The following SLC5A12 variants were observed in gnomAD, a reference collection of about 807,000 sequenced individuals.
SLC5A12 encodes solute carrier family 5 member 12.
A neutral mutation model predicts 72.7 loss-of-function variants in SLC5A12; 46 were observed. That is an observed-to-expected ratio of 0.63 (90% CI 0.50 to 0.81). The LOEUF (loss-of-function observed/expected upper bound fraction) is 0.81, where lower values mean the gene tolerates loss of function less well. Ranked by LOEUF, SLC5A12 falls within the 30% of genes least tolerant of loss-of-function variation. The probability of loss-of-function intolerance (pLI) is 0.00; values close to 1 mark genes in which losing one functional copy is unlikely to be tolerated. For missense variants in SLC5A12, 683 were observed against 740.7 expected, an observed-to-expected ratio of 0.92 and a Z score of 0.90; for synonymous variants, 275 against 264.4, an observed-to-expected ratio of 1.04 and a Z score of -0.39.
chr11:26,720,629 AAAAT>A (rs1855457498), intron 1 of SLC5A12, among the ~76,000 whole-genome samples: 1 of 152,108 alleles, frequency 6.6e-6, no homozygotes, highest in Non-Finnish European at 1.5e-5. Context: ...TTGGATAATG[AAAAT>A]AAATACCTTA....
intron 13 of SLC5A12, among the ~76,000 whole-genome samples, chr11:26,677,850 T>C (rs1438685808): frequency 6.6e-6 from 1 of 152,096 alleles, no homozygotes; most frequent in Admixed American, 6.6e-5. Context: ...TATATAATAG[T>C]CATGGAAAAA....
chr11:26,704,280 A>C (rs1855034354), intron 4 of SLC5A12, among the ~76,000 whole-genome samples: 1 of 152,196 alleles, frequency 6.6e-6, no homozygotes, highest in African/African-American at 2.4e-5. Context: ...CCTGGTCTTG[A>C]GGAAATGATG....
intron 13 of SLC5A12, among the ~76,000 whole-genome samples, chr11:26,675,753 C>T (rs10835057): frequency 0.5 from 76,601 of 151,934 alleles, 19,408 homozygotes; most frequent in Middle Eastern, 0.59. Flanking sequence ...AATCCATTCC[C>T]CACATGGTCC....
In SLC5A12 at chr11:26,683,789, G is replaced by A; in HGVS notation, c.1276C>T (p.Leu426=). Residue 426 remains leucine (L), a synonymous_variant, in exon 11 of 15, where the codon CTG becomes TTG. Coordinates refer to ENST00000396005, the MANE Select transcript of SLC5A12 (RefSeq NM_178498.4). ...TTCACAAAAGGGAACACGATTCCCA[G>A]GGAGAATAAGCCCAGCATTGGTCCT... The part of the protein sequence containing the change: ...CGGPMLGLFS[L]GIVFPFVNWK... 1 of 1,597,226 alleles carries A rather than the reference G, an allele frequency of 6.3e-7. No homozygotes were observed. Among genetic ancestry groups the A allele is most frequent in the Non-Finnish European group, 8.5e-7 (1 of 1,172,130 alleles).
intron 12 of SLC5A12, among the ~76,000 whole-genome samples, 158 bp downstream of exon 12, chr11:26,680,897 C>T (rs1590710883): frequency 6.6e-6 from 1 of 152,136 alleles, no homozygotes; most frequent in South Asian, 2.1e-4. Flanking sequence ...CAGAAAGCTG[C>T]AGCCCTGCGT....
intron 14 of SLC5A12, among the ~76,000 whole-genome samples, chr11:26,672,938 C>A (rs1442708652): frequency 2.0e-5 from 3 of 152,016 alleles, no homozygotes; most frequent in Non-Finnish European, 4.4e-5. Context: ...CTGTATAATA[C>A]CCCCCTTACT....
In SLC5A12 at chr11:26,697,255, G is replaced by A; in HGVS notation, c.952-3C>T. 1.9e-6 allele frequency: 3 copies of A among 1,603,618 alleles called. No individual in the cohort carries two copies. The highest frequency in any genetic ancestry group is 1.1e-5 in the South Asian group (1 of 87,866). ...TCCATGACAAAGTACGGCATCAGCT[G>A]AAGAGGAGGCAAAACATAAAAAAAT... On this transcript the variant is annotated splice_polypyrimidine_tract_variant and splice_region_variant and intron_variant, in intron 7 of 14. Transcript: ENST00000396005.
At chr11:26,705,476 C>A (rs955278961) in intron 4 of SLC5A12, among the ~76,000 whole-genome samples, 1 of 152,134 alleles carries the variant, frequency 6.6e-6, no homozygotes, top group Non-Finnish European at 1.5e-5. Flanking sequence ...GAAAAGATGA[C>A]AGGCTTCATC....
Position 26,680,767 on chromosome 11 carries a change from C to T in SLC5A12, c.1475+288G>A, listed in dbSNP as rs1312239395. On this transcript the variant is annotated intron_variant, in intron 12 of 14. Coordinates refer to ENST00000396005, the MANE Select transcript of SLC5A12 (RefSeq NM_178498.4). ...TATTCTTTGAGGAAACCATGTTCCT[C>T]ATACCCAGTCACCTGTCTTTGAACC... Among the ~76,000 whole-genome samples the T allele has an allele frequency of 3.3e-5, 5 of 152,240 alleles. 1 individual carries two copies. The highest frequency in any genetic ancestry group is 9.6e-5 in the African/African-American group (4 of 41,566).
At chr11:26,703,710 T>C (rs1401294709) in intron 5 of SLC5A12, 39 bp from the exon 6 acceptor site, 1 of 1,613,196 alleles carries the variant, frequency 6.2e-7, no homozygotes, top group East Asian at 2.2e-5. Context: ...AAGATATTCC[T>C]TTGATGCCTA....
At chr11:26,681,385 A>T (rs535816481) in intron 11 of SLC5A12, among the ~76,000 whole-genome samples, 164 bp from the exon 12 acceptor site, 1 of 152,292 alleles carries the variant, frequency 6.6e-6, no homozygotes, top group Non-Finnish European at 1.5e-5. Flanking sequence ...CTCAACTCCC[A>T]TAATGCAGGT....
chr11:26,687,382 A>T (rs1433941257), intron 9 of SLC5A12, among the ~76,000 whole-genome samples: 1 of 152,202 alleles, frequency 6.6e-6, no homozygotes, highest in East Asian at 1.9e-4. Context: ...ATGGAAAGAA[A>T]ACTATTGTGT....
intron 10 of SLC5A12, among the ~76,000 whole-genome samples, chr11:26,684,829 T>A (rs916690498): frequency 1.3e-5 from 2 of 152,192 alleles, no homozygotes; most frequent in Admixed American, 6.5e-5. Context: ...ATGATGATAC[T>A]TTCTTAAGAG....
intron 6 of SLC5A12, among the ~76,000 whole-genome samples, chr11:26,702,068 T>A (rs1424217891): frequency 2.0e-5 from 3 of 152,196 alleles, no homozygotes; most frequent in African/African-American, 7.2e-5. Context: ...ACCAAAGGAT[T>A]CTTCTCTTTA....
intron 1 of SLC5A12, among the ~76,000 whole-genome samples, chr11:26,720,739 A>G (rs940372516): frequency 5.9e-5 from 9 of 152,154 alleles, no homozygotes; most frequent in Non-Finnish European, 1.0e-4. Context: ...TAAAGCCAAA[A>G]CACCACTGCC....
At chr11:26,687,963 AAC>A in intron 9 of SLC5A12, among the ~76,000 whole-genome samples, 1 of 152,330 alleles carries the variant, frequency 6.6e-6, no homozygotes, top group African/African-American at 2.4e-5. Context: ...AAGCCTGAAG[AAC>A]AGAAGAAAGA....
intron 4 of SLC5A12, 37 bp from the exon 5 acceptor site, chr11:26,703,984 A>ACC: frequency 6.2e-7 from 1 of 1,610,120 alleles, no homozygotes; most frequent in East Asian, 2.2e-5. Context: ...TTGAAAACAA[A>ACC]CCCTGTAACT....
chr11:26,690,281 T>C, intron 9 of SLC5A12, among the ~76,000 whole-genome samples: 1 of 152,288 alleles, frequency 6.6e-6, no homozygotes, highest in African/African-American at 2.4e-5. Flanking sequence ...GAAACATTTT[T>C]AATTTTTAAA....
Position 26,678,750 on chromosome 11 carries a change from C to A in SLC5A12, c.1541G>T (p.Gly514Val), listed in dbSNP as rs1196204075. Residue 514 changes from glycine (G) to valine (V), a missense_variant, in exon 13 of 15, where the codon GGA (glycine) becomes GTA (valine). Physicochemically the swap from Gly to Val is moderately radical, Grantham distance 109. Transcript: ENST00000396005. ...GATGATTACTCCAGCAACAATGCATCCTAAGCAGCCCACTGCACTGTAGTA... is the reference window on the plus strand; with the variant it reads ...GATGATTACTCCAGCAACAATGCATACTAAGCAGCCCACTGCACTGTAGTA... ...YLYYSAVGCLGCIVAGVIISL... is the reference protein window; with the variant it reads ...YLYYSAVGCLVCIVAGVIISL... The A allele has an allele frequency of 2.5e-6, 4 of 1,613,198 alleles. No individual in the cohort carries two copies. Among genetic ancestry groups the A allele is most frequent in the Non-Finnish European group, 8.5e-7 (1 of 1,179,590 alleles).
Sources: allele counts gnomAD v4.1 joint callset (sites outside exome capture counted in the v4.1 genomes callset), GRCh38; gene constraint gnomAD v4.1.1; transcripts MANE v1.5; gene names NCBI Gene and HGNC (gene_info 2026-07-23, HGNC 2026-07-21).